The following ARMC2 variants were observed in gnomAD, a reference collection of about 807,000 sequenced individuals.
ARMC2 encodes armadillo repeat-containing protein 2.
In ARMC2, 67 loss-of-function variants were observed where a neutral mutation model predicts 90.3. The observed-to-expected ratio is 0.74, with a 90% CI of 0.61 to 0.91. ARMC2 has a LOEUF of 0.91. Ranked by LOEUF, ARMC2 falls within the 40% of genes least tolerant of loss-of-function variation. The probability of loss-of-function intolerance (pLI) is 0.00; values close to 1 mark genes in which losing one functional copy is unlikely to be tolerated. For missense variants in ARMC2, 920 were observed against 1,030.9 expected, an observed-to-expected ratio of 0.89 and a Z score of 1.47; for synonymous variants, 393 against 393.0, an observed-to-expected ratio of 1.00 and a Z score of 0.00.
At chr6:108,947,322 G>A (rs1275391612) in intron 12 of ARMC2, among the ~76,000 whole-genome samples, 1 of 152,188 alleles carries the variant, frequency 6.6e-6, no homozygotes, top group African/African-American at 2.4e-5. Flanking sequence ...CCATCTGTGT[G>A]TACAGAGATG....
At chr6:108,933,523 T>C (rs1775744451) in intron 11 of ARMC2, among the ~76,000 whole-genome samples, 1 of 152,206 alleles carries the variant, frequency 6.6e-6, no homozygotes, top group Admixed American at 6.5e-5. Context: ...GCCTGTTGTC[T>C]TTCTTCTGAC....
chr6:108,986,078 TATC>T, the ARMC2 span, among the ~76,000 whole-genome samples: 15,224 of 152,168 alleles, frequency 0.1, 892 homozygotes, highest in Middle Eastern at 0.19. Flanking sequence ...CTAACAGAGT[TATC>T]ATCACAACAG....
At chr6:108,883,474 A>G (rs990773099) in intron 5 of ARMC2, among the ~76,000 whole-genome samples, 4 of 152,226 alleles carry the variant, frequency 2.6e-5, no homozygotes, top group Admixed American at 1.3e-4. Flanking sequence ...AACCTTGACA[A>G]TGTGGTAGTA....
At chr6:108,931,239 C>G (rs1454464310) in intron 11 of ARMC2, among the ~76,000 whole-genome samples, 1 of 151,902 alleles carries the variant, frequency 6.6e-6, no homozygotes, top group East Asian at 1.9e-4. Context: ...CATGTTCACG[C>G]ATAAGACTTG....
At chr6:108,981,034 A>G in the ARMC2 span, among the ~76,000 whole-genome samples, 1 of 152,256 alleles carries the variant, frequency 6.6e-6, no homozygotes, top group Non-Finnish European at 1.5e-5. Flanking sequence ...ATGTAAGTAT[A>G]TGCTGGTAGA....
At chr6:108,859,419 T>TC (rs1464743962) in intron 3 of ARMC2, among the ~76,000 whole-genome samples, 3 of 152,168 alleles carry the variant, frequency 2.0e-5, no homozygotes, top group Non-Finnish European at 4.4e-5. Flanking sequence ...TCCTATAGTT[T>TC]CTTGAGAAAG....
chr6:108,914,800 A>G (rs1773783222), intron 10 of ARMC2, among the ~76,000 whole-genome samples: 1 of 152,176 alleles, frequency 6.6e-6, no homozygotes, highest in South Asian at 2.1e-4. Flanking sequence ...CTCCAAGAGC[A>G]GATGAAAGCC....
intron 5 of ARMC2, among the ~76,000 whole-genome samples, chr6:108,880,741 CTCCT>C (rs1382184256): frequency 7.1e-6 from 1 of 141,116 alleles, no homozygotes; most frequent in African/African-American, 2.7e-5. Flanking sequence ...TCTCCCTCTT[CTCCT>C]TCCTTCCTTC....
At chr6:109,048,037 T>C in the ARMC2 span, among the ~76,000 whole-genome samples, 1 of 149,686 alleles carries the variant, frequency 6.7e-6, no homozygotes, top group South Asian at 2.2e-4. Flanking sequence ...CCTCCACTAT[T>C]GTCCCATGAC....
the ARMC2 span, chr6:109,000,640 T>C: frequency 1.2e-6 from 2 of 1,609,730 alleles, no homozygotes; most frequent in Non-Finnish European, 1.7e-6. Context: ...ACATGCAGGT[T>C]CACTAAGTAG....
At chr6:108,988,955 G>A in the ARMC2 span, among the ~76,000 whole-genome samples, 1 of 152,192 alleles carries the variant, frequency 6.6e-6, no homozygotes, top group South Asian at 2.1e-4. Context: ...ATAGCACTGG[G>A]TACCAAGCAA....
chr6:108,916,157 T>G (rs906978389), intron 10 of ARMC2, among the ~76,000 whole-genome samples: 23 of 152,204 alleles, frequency 1.5e-4, no homozygotes, highest in Admixed American at 6.5e-4. Flanking sequence ...TATGGCTGTA[T>G]GTATTGATAT....
chr6:109,023,863 C>T, the ARMC2 span, among the ~76,000 whole-genome samples: 78 of 152,228 alleles, frequency 5.1e-4, no homozygotes, highest in African/African-American at 1.6e-3. Context: ...AAGTCACTTT[C>T]ATATATTTAA....
At chr6:108,986,072 C>G in the ARMC2 span, among the ~76,000 whole-genome samples, 1 of 149,884 alleles carries the variant, frequency 6.7e-6, no homozygotes, top group Non-Finnish European at 1.5e-5. Context: ...GAGTAACTAA[C>G]AGAGTTATCA....
intron 17 of ARMC2, among the ~76,000 whole-genome samples, chr6:108,971,324 C>T (rs1238837771): frequency 2.0e-5 from 3 of 152,198 alleles, no homozygotes; most frequent in African/African-American, 4.8e-5. Flanking sequence ...CTCCTCCCCT[C>T]AGGGCCCAGT....
chr6:108,921,729 A>T (rs887334429), intron 10 of ARMC2, among the ~76,000 whole-genome samples: 4 of 152,228 alleles, frequency 2.6e-5, no homozygotes, highest in Non-Finnish European at 5.9e-5. Context: ...GAGGTTGGAA[A>T]ATAGTGGCTT....
the ARMC2 span, among the ~76,000 whole-genome samples, chr6:109,046,740 A>C: frequency 8.0e-6 from 1 of 124,680 alleles, no homozygotes; most frequent in African/African-American, 3.1e-5. Context: ...CCGCCGCCCC[A>C]TCTGGGTTGT....
intron 1 of ARMC2, among the ~76,000 whole-genome samples, chr6:108,850,718 C>G (rs1363815953): frequency 6.6e-6 from 1 of 152,210 alleles, no homozygotes; most frequent in African/African-American, 2.4e-5. Context: ...TGTCTTAGCT[C>G]AAGTCTATAT....
the ARMC2 span, among the ~76,000 whole-genome samples, chr6:109,030,938 T>A: frequency 1.3e-5 from 2 of 152,334 alleles, no homozygotes; most frequent in East Asian, 3.9e-4. Flanking sequence ...ACTACTCAAC[T>A]GTTTAAAATG....
Sources: gnomAD v4.1 joint callset for allele counts (sites outside exome capture counted in the v4.1 genomes callset) on GRCh38, gnomAD v4.1.1 for gene constraint, MANE v1.5 for transcripts, NCBI Gene and HGNC (gene_info 2026-07-23, HGNC 2026-07-21) for gene names.